EPHB1: variants seen among roughly 807,000 people sequenced by gnomAD.
EPHB1 encodes the protein ephrin type-B receptor 1.
Under a neutral mutation model 94.4 loss-of-function variants are expected in EPHB1, and 30 were observed. The ratio of observed to expected loss-of-function variants is 0.32; its 90% confidence interval spans 0.24 to 0.43. EPHB1 has a LOEUF of 0.43. Among genes scored for constraint, EPHB1 ranks in the 20% least tolerant of loss-of-function variants. The pLI, the probability that EPHB1 is intolerant of heterozygous loss-of-function variation, is 1.00. For missense variants in EPHB1, 1,055 were observed against 1,308.3 expected (o/e 0.81, Z 2.99); for synonymous variants, 522 against 489.1 (o/e 1.07, Z -0.89).
rs146586512 is a variant in EPHB1, at chr3:134,948,640, G to A, written c.124-2731G>A. The stretch of plus-strand genomic sequence containing the variant: ...TTTATACTCCATGCAGGCCACAGAG[G>A]TGAGACATCTCTTCCGTGTTGGCCA... On this transcript the variant is annotated intron_variant, in intron 2 of 15. Transcript: ENST00000398015. 3.2e-3 allele frequency among the ~76,000 whole-genome samples: 494 copies of A among 152,374 alleles called. 1 individual carries two copies. The highest frequency in any genetic ancestry group is 0.014 in the Middle Eastern group (4 of 294).
rs553592965 is a variant in EPHB1 at position 134,812,837 on chromosome 3, T to C, written c.58+17148T>C. 1.5e-4 allele frequency among the ~76,000 whole-genome samples: 23 copies of C among 152,362 alleles called. No homozygotes were observed. In the South Asian group the frequency reaches 3.1e-3, roughly 21 times the overall value. On this transcript the variant is annotated intron_variant, in intron 1 of 15. Transcript: ENST00000398015. ...CATGGCATCTCATTGTTTGTTTTCGTTTGCATTTCCCTGATGTGTCTTTCA... is the reference window on the plus strand; with the variant it reads ...CATGGCATCTCATTGTTTGTTTTCGCTTGCATTTCCCTGATGTGTCTTTCA...
intron 3 of EPHB1, among the ~76,000 whole-genome samples, chr3:135,004,835 T>C (rs1410003775): frequency 6.6e-6 from 1 of 152,016 alleles, no homozygotes; most frequent in Non-Finnish European, 1.5e-5. Flanking sequence ...CTTCTCTGTA[T>C]TGGTTATTCT....
intron 1 of EPHB1, among the ~76,000 whole-genome samples, chr3:134,836,393 T>A (rs975138559): frequency 7.9e-5 from 12 of 152,254 alleles, no homozygotes; most frequent in Admixed American, 7.9e-4. Flanking sequence ...TTTCTAGTTT[T>A]AATTTTGCAC....
intron 10 of EPHB1, among the ~76,000 whole-genome samples, chr3:135,186,800 G>A (rs1942342442): frequency 6.6e-6 from 1 of 152,186 alleles, no homozygotes. Context: ...AAGAGGAATT[G>A]GCAAGGAGCT....
At chr3:134,919,217 C>T (rs1047583887) in intron 1 of EPHB1, among the ~76,000 whole-genome samples, 1 of 152,222 alleles carries the variant, frequency 6.6e-6, no homozygotes, top group African/African-American at 2.4e-5. Flanking sequence ...TGAAGTTTCA[C>T]AGCTGGGCCC....
chr3:135,011,893 C>G (rs187233885), intron 3 of EPHB1, among the ~76,000 whole-genome samples: 16 of 152,206 alleles, frequency 1.1e-4, no homozygotes, highest in Admixed American at 8.5e-4. Context: ...CTCTTTTTTC[C>G]TATCTCCTGT....
intron 5 of EPHB1, among the ~76,000 whole-genome samples, chr3:135,142,856 G>A (rs1057314705): frequency 2.6e-5 from 4 of 152,178 alleles, no homozygotes; most frequent in Admixed American, 6.5e-5. Context: ...GGGCGTGACG[G>A]TGGGAGGGAG....
intron 3 of EPHB1, among the ~76,000 whole-genome samples, chr3:135,086,147 G>A (rs1938352855): frequency 6.6e-6 from 1 of 152,108 alleles, no homozygotes; most frequent in Non-Finnish European, 1.5e-5. Flanking sequence ...CAGATATGTG[G>A]GGGGTGGTAG....
intron 1 of EPHB1, among the ~76,000 whole-genome samples, chr3:134,852,280 A>T (rs895590336): frequency 1.3e-5 from 2 of 150,312 alleles, no homozygotes; most frequent in African/African-American, 4.9e-5. Context: ...TGCCACTCCC[A>T]CCCTGGCAAG....
intron 3 of EPHB1, among the ~76,000 whole-genome samples, chr3:135,087,461 A>T (rs769527937): frequency 3.7e-4 from 57 of 152,188 alleles, no homozygotes; most frequent in Non-Finnish European, 6.9e-4. Context: ...GATTATAATG[A>T]TTATTAGCCT....
rs777706829 is a variant in EPHB1 at position 134,824,916 on chromosome 3, G to A, written c.58+29227G>A. Among the ~76,000 whole-genome samples the A allele has an allele frequency of 2.1e-4, 32 of 152,284 alleles. 1 individual carries two copies. Among genetic ancestry groups the A allele is most frequent in the Admixed American group, 7.2e-4 (11 of 15,310 alleles). On this transcript the variant is annotated intron_variant, in intron 1 of 15. Transcript: ENST00000398015. The stretch of plus-strand genomic sequence containing the variant: ...TCAAGCAGTAGTAGAGGCTTTGGAT[G>A]ACTGCAGCTCCTGCCAACATCTGAC...
At chr3:134,845,077 C>CA (rs2036847426) in intron 1 of EPHB1, among the ~76,000 whole-genome samples, 1 of 152,240 alleles carries the variant, frequency 6.6e-6, no homozygotes, top group Non-Finnish European at 1.5e-5. Flanking sequence ...AAATGACTGA[C>CA]AGAGAGTGCT....
intron 1 of EPHB1, among the ~76,000 whole-genome samples, chr3:134,835,222 A>G (rs772911070): frequency 3.3e-5 from 5 of 152,214 alleles, no homozygotes; most frequent in Non-Finnish European, 7.3e-5. Flanking sequence ...CTGAGGTGAG[A>G]AATGCTGGCA....
At chr3:135,124,915 A>G (rs1330620926) in intron 4 of EPHB1, among the ~76,000 whole-genome samples, 12 of 151,542 alleles carry the variant, frequency 7.9e-5, no homozygotes, top group Admixed American at 2.6e-4. Context: ...GCATCAGCCA[A>G]CCTTCTAGCC....
At chr3:134,970,696 A>G (rs1933937616) in intron 3 of EPHB1, among the ~76,000 whole-genome samples, 5 of 152,162 alleles carry the variant, frequency 3.3e-5, no homozygotes, top group Non-Finnish European at 4.4e-5. Context: ...CCTAGGCCAC[A>G]CGGCTGCAGA....
chr3:135,255,008 G>A (rs563301833), intron 15 of EPHB1, among the ~76,000 whole-genome samples: 2 of 152,158 alleles, frequency 1.3e-5, no homozygotes, highest in Non-Finnish European at 2.9e-5. Context: ...TTGCGTAGAG[G>A]TGTTTGTAGT....
At chr3:134,920,950 T>A (rs147471693) in intron 1 of EPHB1, among the ~76,000 whole-genome samples, 1,542 of 152,148 alleles carry the variant, frequency 0.01, 14 homozygotes, top group Non-Finnish European at 0.017. Flanking sequence ...GGTCTTGTTA[T>A]GTTGCTCAGG....
chr3:134,954,312 A>C (rs1179790950), intron 3 of EPHB1, among the ~76,000 whole-genome samples: 1 of 151,758 alleles, frequency 6.6e-6, no homozygotes, highest in Non-Finnish European at 1.5e-5. Flanking sequence ...AAGACTCTGC[A>C]CTCTTTGGTG....
intron 1 of EPHB1, among the ~76,000 whole-genome samples, chr3:134,836,140 C>T (rs1449852361): frequency 6.6e-6 from 1 of 152,160 alleles, no homozygotes; most frequent in Non-Finnish European, 1.5e-5. Context: ...TCTGGCTGGG[C>T]ACAGCCATCC....
Sources: allele counts gnomAD v4.1 joint callset (sites outside exome capture counted in the v4.1 genomes callset), GRCh38; gene constraint gnomAD v4.1.1; transcripts MANE v1.5; gene names NCBI Gene and HGNC (gene_info 2026-07-23, HGNC 2026-07-21).